Variants in GABPB2 observed in about 807,000 individuals in gnomAD.
The protein encoded by GABPB2 is GA-binding protein subunit beta-2.
A neutral mutation model predicts 39.1 loss-of-function variants in GABPB2; 23 were observed. That is an observed-to-expected ratio of 0.59 (90% CI 0.42 to 0.83). GABPB2 has a LOEUF of 0.83. GABPB2 is among the 40% of genes least tolerant of loss of function. The pLI, the probability that GABPB2 is intolerant of heterozygous loss-of-function variation, is 0.00. For missense variants in GABPB2, 467 were observed against 541.1 expected (o/e 0.86, Z 1.36); for synonymous variants, 184 against 199.3 (o/e 0.92, Z 0.65).
chr1:151,085,827 G>A (rs750208301), intron 1 of GABPB2, among the ~76,000 whole-genome samples: 46 of 152,250 alleles, frequency 3.0e-4, no homozygotes, highest in Admixed American at 5.9e-4. Context: ...TCAGTAAGCA[G>A]CAGAAGTATT....
chr1:151,075,563 CAAAAAAA>C (rs35110350), intron 1 of GABPB2, among the ~76,000 whole-genome samples: 17 of 44,270 alleles, frequency 3.8e-4, no homozygotes, highest in African/African-American at 5.6e-4. Flanking sequence ...GACTTTGTCT[CAAAAAAA>C]AAAAAAAAAA....
chr1:151,090,727 C>T (rs887953508), intron 3 of GABPB2, among the ~76,000 whole-genome samples, 154 bp downstream of exon 3: 2 of 151,898 alleles, frequency 1.3e-5, no homozygotes, highest in African/African-American at 2.4e-5. Context: ...CATGGCAGGC[C>T]GGGTGCCTAT....
intron 1 of GABPB2, among the ~76,000 whole-genome samples, chr1:151,071,485 C>G (rs1211314350): frequency 5.9e-5 from 6 of 101,624 alleles, no homozygotes; most frequent in Non-Finnish European, 9.0e-5. Context: ...CTGAGTCTTG[C>G]TCTGTCACCC....
intron 7 of GABPB2, among the ~76,000 whole-genome samples, chr1:151,109,737 A>G (rs914532083): frequency 5.3e-5 from 8 of 151,608 alleles, no homozygotes; most frequent in South Asian, 2.1e-4. Context: ...ATGCAGTGGC[A>G]TGATTATGGC....
chr1:151,084,489 G>C (rs1677999676), intron 1 of GABPB2, among the ~76,000 whole-genome samples: 1 of 149,118 alleles, frequency 6.7e-6, no homozygotes, highest in Non-Finnish European at 1.5e-5. Context: ...ACCTCCCAAA[G>C]TGCTGGGATT....
At chr1:151,117,886 T>A in intron 8 of GABPB2, 71 bp from the exon 9 acceptor site, 2 of 1,460,162 alleles carry the variant, frequency 1.4e-6, no homozygotes, top group Non-Finnish European at 1.9e-6. Context: ...TCCTGGCCTG[T>A]CTTTTTGTCT....
intron 1 of GABPB2, among the ~76,000 whole-genome samples, chr1:151,083,747 A>G (rs1048454681): frequency 1.1e-4 from 17 of 150,242 alleles, no homozygotes; most frequent in Admixed American, 1.3e-4. Context: ...TTTATTTGTT[A>G]TTATTATTTT....
At chr1:151,097,149 T>A (rs1679152585) in intron 4 of GABPB2, among the ~76,000 whole-genome samples, 1 of 152,032 alleles carries the variant, frequency 6.6e-6, no homozygotes, top group Non-Finnish European at 1.5e-5. Context: ...TGACCTCAAG[T>A]GGTCCACCCG....
At chr1:151,107,764 C>T (rs587678003) in intron 7 of GABPB2, among the ~76,000 whole-genome samples, 24 of 152,074 alleles carry the variant, frequency 1.6e-4, no homozygotes, top group African/African-American at 5.3e-4. Context: ...AGCAAAACCC[C>T]ATCTCTACTA....
chr1:151,099,573 G>A (rs11204777), intron 5 of GABPB2, among the ~76,000 whole-genome samples: 119,531 of 152,102 alleles, frequency 0.79, 47,160 homozygotes, highest in East Asian at 0.91. Flanking sequence ...AAATTTTCCA[G>A]TTGACTATTG....
At chr1:151,081,772 C>G (rs1267846422) in intron 1 of GABPB2, among the ~76,000 whole-genome samples, 1 of 151,894 alleles carries the variant, frequency 6.6e-6, no homozygotes, top group Non-Finnish European at 1.5e-5. Flanking sequence ...GTAGCTGAGA[C>G]TGCAGACGTG....
intron 1 of GABPB2, among the ~76,000 whole-genome samples, chr1:151,086,856 A>G (rs970141828): frequency 6.6e-6 from 1 of 151,088 alleles, no homozygotes; most frequent in Non-Finnish European, 1.5e-5. Context: ...TTTTGTATAT[A>G]TATTTTTTAT....
intron 6 of GABPB2, 56 bp downstream of exon 6, chr1:151,103,731 C>A: frequency 2.7e-6 from 3 of 1,125,238 alleles, no homozygotes; most frequent in African/African-American, 1.5e-5. Context: ...GTTTTTAAGT[C>A]TCCAGCAGAT....
chr1:151,105,131 T>A (rs1434488434), intron 6 of GABPB2, among the ~76,000 whole-genome samples: 1 of 152,078 alleles, frequency 6.6e-6, no homozygotes, highest in East Asian at 1.9e-4. Context: ...GGTCTCAAAC[T>A]ACTGACCTCA....
intron 7 of GABPB2, among the ~76,000 whole-genome samples, chr1:151,107,639 T>C (rs1680076373): frequency 6.6e-6 from 1 of 151,886 alleles, no homozygotes; most frequent in Non-Finnish European, 1.5e-5. Flanking sequence ...TGATGGCTCT[T>C]AAAAATATGA....
chr1:151,088,775 C>T (rs779377588), intron 2 of GABPB2, among the ~76,000 whole-genome samples: 1 of 152,010 alleles, frequency 6.6e-6, no homozygotes, highest in African/African-American at 2.4e-5. Flanking sequence ...CCAAGGCGGG[C>T]GGATCACCTG....
In GABPB2 at chr1:151,070,790, G is replaced by C. The variant is rs754796490; in HGVS notation, c.-145G>C. 2.0e-5 allele frequency: 3 copies of C among 152,080 alleles called. No homozygotes were observed. Among genetic ancestry groups the C allele is most frequent in the African/African-American group, 4.8e-5 (2 of 41,390 alleles). 9.4% of individuals were successfully genotyped at this position (152,080 alleles called of 1,614,324 possible). ...TTTTGTTGCCTCTGTTTCTCCACGAGGGGGGGTTAAAGGCCCCCAAAACAT... is the reference window on the plus strand; with the variant it reads ...TTTTGTTGCCTCTGTTTCTCCACGACGGGGGGTTAAAGGCCCCCAAAACAT... On this transcript the variant is annotated 5_prime_UTR_variant, in exon 1 of 9. Transcript: ENST00000368918.
rs1019123498 is a variant in GABPB2, at chr1:151,121,316, G to A, written c.*3060G>A. 2 of 152,342 alleles carry A rather than the reference G, an allele frequency of 1.3e-5. No homozygotes were observed. Among genetic ancestry groups the A allele is most frequent in the East Asian group, 1.9e-4 (1 of 5,196 alleles). The allele number at this position is 152,342 out of a possible 1,614,324, so 9.4% of individuals were successfully genotyped here. On this transcript the variant is annotated 3_prime_UTR_variant, in exon 9 of 9. Transcript: ENST00000368918. ...TGTGTTGACAAAGGGAATAAGAACT[G>A]TCAGTGCCATAAAGAACCAAAGATT... is the stretch of plus-strand genomic sequence containing the variant.
At chr1:151,088,771 C>G (rs587653617) in intron 2 of GABPB2, among the ~76,000 whole-genome samples, 3 of 152,274 alleles carry the variant, frequency 2.0e-5, no homozygotes, top group Admixed American at 6.5e-5. Flanking sequence ...GAGTCCAAGG[C>G]GGGCGGATCA....
Sources: allele counts gnomAD v4.1 joint callset (sites outside exome capture counted in the v4.1 genomes callset), GRCh38; gene constraint gnomAD v4.1.1; transcripts MANE v1.5; gene names NCBI Gene and HGNC (gene_info 2026-07-23, HGNC 2026-07-21).